Variants in FAM228B observed in about 807,000 individuals in gnomAD.
The protein encoded by FAM228B is protein FAM228B.
A neutral mutation model predicts 42.6 loss-of-function variants in FAM228B; 38 were observed. The ratio of observed to expected loss-of-function variants is 0.89; its 90% CI spans 0.69 to 1.17. The LOEUF is 1.17. Among genes scored for constraint, FAM228B ranks in the 50% most tolerant of loss-of-function variants. The probability of loss-of-function intolerance (pLI) is 0.00; values close to 1 mark genes in which losing one functional copy is unlikely to be tolerated. For missense variants in FAM228B, 344 were observed against 367.3 expected, an observed-to-expected ratio of 0.94 and a Z score of 0.52; for synonymous variants, 109 against 122.3, an observed-to-expected ratio of 0.89 and a Z score of 0.72.
At chr2:24,120,686 G>C (rs10195984), upstream of FAM228B, among the ~76,000 whole-genome samples, 17,875 of 151,972 alleles carry the variant, frequency 0.12, 1,234 homozygotes, top group South Asian at 0.18. Flanking sequence ...CTCCCAAGTA[G>C]CTGGGATTAC....
chr2:24,121,242 G>T (rs370967554), upstream of FAM228B: 3 of 1,614,096 alleles, frequency 1.9e-6, no homozygotes, highest in Non-Finnish European at 2.5e-6. Context: ...TTCTCTTCGG[G>T]CTTGCAAAGG....
intron 7 of FAM228B, among the ~76,000 whole-genome samples, chr2:24,147,942 G>A (rs1264629748): frequency 1.7e-5 from 2 of 114,672 alleles, no homozygotes; most frequent in South Asian, 5.4e-4. Flanking sequence ...TGCATGTCTT[G>A]TAATTTTTTA....
intron 2 of FAM228B, among the ~76,000 whole-genome samples, chr2:24,082,506 A>G (rs577162165): frequency 1.3e-5 from 2 of 152,346 alleles, no homozygotes; most frequent in East Asian, 3.9e-4. Flanking sequence ...GCAAGGACCA[A>G]GTCTTCTTAG....
chr2:24,138,936 ACT>A (rs1234511997), intron 4 of FAM228B, among the ~76,000 whole-genome samples: 2 of 138,042 alleles, frequency 1.4e-5, no homozygotes, highest in African/African-American at 2.6e-5. Context: ...ATGGAGCAAG[ACT>A]CTGTCTCAAA....
At chr2:24,093,894 G>A (rs1039359941) in intron 2 of FAM228B, among the ~76,000 whole-genome samples, 1 of 151,966 alleles carries the variant, frequency 6.6e-6, no homozygotes, top group Non-Finnish European at 1.5e-5. Flanking sequence ...TGGGATTACA[G>A]GTATGAGCCA....
At chr2:24,150,032 C>T (rs557199167) in intron 7 of FAM228B, among the ~76,000 whole-genome samples, 25 of 152,264 alleles carry the variant, frequency 1.6e-4, no homozygotes, top group South Asian at 1.0e-3. Context: ...CTTGTTGTTC[C>T]TCTTTGTGTC....
intron 2 of FAM228B, among the ~76,000 whole-genome samples, chr2:24,091,332 C>G (rs1367739803): frequency 1.3e-5 from 2 of 152,162 alleles, no homozygotes; most frequent in African/African-American, 4.8e-5. Context: ...ACTTGGGAGG[C>G]TGAGGCAGGA....
chr2:24,164,273 C>A lies in FAM228B; in HGVS notation c.870C>A (p.Ala290=). ...QEGNNPSAKE[A]ISEGYFSSLS... ...GAAATAATCCAAGTGCCAAAGAGGC[C>A]ATCTCTGAAGGGTATTTTTCTTCCT... Residue 290 remains alanine (A), a synonymous_variant, in exon 9 of 11, where the codon GCC becomes GCA. Coordinates refer to ENST00000615575, the MANE Select transcript of FAM228B (RefSeq NM_001145710.2). 1 of 1,551,414 alleles carries A rather than the reference C, an allele frequency of 6.4e-7. No individual in the cohort carries two copies. Among genetic ancestry groups the A allele is most frequent in the Non-Finnish European group, 8.7e-7 (1 of 1,146,800 alleles).
chr2:24,101,278 A>T (rs1665599205), intron 3 of FAM228B, among the ~76,000 whole-genome samples: 1 of 152,204 alleles, frequency 6.6e-6, no homozygotes, highest in Non-Finnish European at 1.5e-5. Context: ...AAAAAGTTTT[A>T]CAACCTTATT....
At chr2:24,155,835 C>T (rs1250790755) in intron 7 of FAM228B, among the ~76,000 whole-genome samples, 3 of 152,042 alleles carry the variant, frequency 2.0e-5, no homozygotes, top group African/African-American at 7.2e-5. Flanking sequence ...CCACTGCACC[C>T]GGCCACCATG....
In FAM228B at chr2:24,084,596, G is replaced by T; in HGVS notation, c.-210+3641G>T. On this transcript the variant is annotated intron_variant, in intron 2 of 10. Coordinates refer to the FAM228B transcript ENST00000613899. The surrounding 1 kb of genome is among the most constrained non-coding windows in gnomAD (Gnocchi z 8.4). ...ACCCGGAACACAGATGGGAACGGCG[G>T]GAAGTGGGATGGCGGTACAGGGCTG... 2.4e-6 allele frequency: 1 copy of T among 414,530 alleles called. No individual in the cohort carries two copies. Among genetic ancestry groups the T allele is most frequent in the Non-Finnish European group, 4.3e-6 (1 of 233,852 alleles). 25.7% of individuals were successfully genotyped at this position (414,530 alleles called of 1,614,324 possible). A position where few individuals can be genotyped will look rare whatever the true frequency, so the allele number is the denominator to read the frequency against.
Position 24,146,754 on chromosome 2 carries a change from A to G in FAM228B, c.448A>G (p.Ile150Val), listed in dbSNP as rs898032704. 1.3e-6 allele frequency: 2 copies of G among 1,548,318 alleles called. No individual in the cohort carries two copies. Among genetic ancestry groups the G allele is most frequent in the Admixed American group, 2.0e-5 (1 of 50,740 alleles). ...KKDPNFLKVT[I>V]PPFHDPLKKA... ...ACAAGTGCCTCTCTTGTAGGTTACC[A>G]TCCCACCATTTCATGACCCTTTGAA... The change falls in exon 6 of 11, where the codon ATC becomes GTC. Residue 150 changes from isoleucine (I) to valine (V), a missense_variant. By Grantham distance (29) the Ile-to-Val change is conservative. Transcript: ENST00000615575.
chr2:24,147,284 C>CT (rs1666919148), intron 7 of FAM228B, among the ~76,000 whole-genome samples, 198 bp downstream of exon 7: 1 of 151,312 alleles, frequency 6.6e-6, no homozygotes, highest in South Asian at 2.1e-4. Context: ...TGTGATGTTT[C>CT]TTTTTTCTTG....
At chr2:24,167,019 A>G (rs1365345119) in intron 9 of FAM228B, among the ~76,000 whole-genome samples, 1 of 152,182 alleles carries the variant, frequency 6.6e-6, no homozygotes, top group East Asian at 1.9e-4. Flanking sequence ...AGGCCGGGAA[A>G]GGGAGTTAGA....
intron 3 of FAM228B, among the ~76,000 whole-genome samples, chr2:24,109,430 C>T (rs750415129): frequency 2.0e-5 from 3 of 152,050 alleles, no homozygotes; most frequent in Non-Finnish European, 4.4e-5. Flanking sequence ...TGCAACGAAA[C>T]AAAAATTGAC....
chr2:24,082,457 G>A (rs1397086954), intron 2 of FAM228B, among the ~76,000 whole-genome samples: 1 of 152,184 alleles, frequency 6.6e-6, no homozygotes, highest in Non-Finnish European at 1.5e-5. Context: ...CTGATCTTAT[G>A]CATATGTTGC....
intron 2 of FAM228B, among the ~76,000 whole-genome samples, chr2:24,124,821 A>G (rs530342356): frequency 6.6e-6 from 1 of 152,180 alleles, no homozygotes; most frequent in Admixed American, 6.5e-5. Flanking sequence ...TCCACTCCCT[A>G]GTAGCTGGAA....
chr2:24,134,857 C>A (rs1301961622), intron 2 of FAM228B, among the ~76,000 whole-genome samples: 1 of 152,076 alleles, frequency 6.6e-6, no homozygotes, highest in Non-Finnish European at 1.5e-5. Flanking sequence ...GGCTGAGGCA[C>A]AAGAATCGCT....
intron 5 of FAM228B, 71 bp from the exon 6 acceptor site, chr2:24,146,677 C>A: frequency 2.8e-6 from 3 of 1,061,418 alleles, no homozygotes; most frequent in Non-Finnish European, 4.1e-6. Flanking sequence ...TATGTGGATG[C>A]TTAGAATAGA....
Sources: gnomAD v4.1 joint callset for allele counts (sites outside exome capture counted in the v4.1 genomes callset) on GRCh38, gnomAD v4.1.1 for gene constraint, Gnocchi (gnomAD v3.1) non-coding constraint, MANE v1.5 for transcripts, NCBI Gene and HGNC (gene_info 2026-07-23, HGNC 2026-07-21) for gene names.